Variants in GTF2E2 observed in about 807,000 individuals in gnomAD.
The protein encoded by GTF2E2 is general transcription factor IIE subunit 2, also known as transcription initiation factor IIE subunit beta.
Under a neutral mutation model 40.5 loss-of-function variants are expected in GTF2E2, and 21 were observed. That is an observed-to-expected ratio of 0.52 (90% CI 0.37 to 0.75). The LOEUF (loss-of-function observed/expected upper bound fraction) is 0.75, where lower values mean the gene tolerates loss of function less well. Ranked by LOEUF, GTF2E2 falls within the 30% of genes least tolerant of loss-of-function variation. The probability of loss-of-function intolerance (pLI) is 0.00; values close to 1 mark genes in which losing one functional copy is unlikely to be tolerated. For synonymous variants in GTF2E2, 117 were observed against 121.6 expected (o/e 0.96, Z 0.25); for missense variants, 298 against 338.4 (o/e 0.88, Z 0.94).
In GTF2E2 at chr8:30,612,162, C is replaced by T. The variant is rs188677248; in HGVS notation, c.549+137G>A. 1.6e-3 allele frequency: 884 copies of T among 546,448 alleles called. 4 individuals carry two copies. The highest frequency in any genetic ancestry group is 0.011 in the Middle Eastern group (22 of 1,996). The allele number at this position is 546,448 out of a possible 1,614,324, so 33.8% of individuals were successfully genotyped here. On this transcript the variant is annotated intron_variant, in intron 5 of 7. Coordinates refer to ENST00000355904, the MANE Select transcript of GTF2E2 (RefSeq NM_002095.6). ...AGGTGGCACAAGACAAATTTCAAAC[C>T]TTCAAGTGGCTCACTGTAACCCATG...
chr8:30,643,116 T>A (rs1444341861), intron 2 of GTF2E2, among the ~76,000 whole-genome samples: 1 of 152,160 alleles, frequency 6.6e-6, no homozygotes, highest in Non-Finnish European at 1.5e-5. Flanking sequence ...AACATAATTT[T>A]ATCAACCCCA....
chr8:30,600,545 G>T lies in GTF2E2; in HGVS notation c.643+6512C>A, dbSNP rs977122990. 2.6e-5 allele frequency among the ~76,000 whole-genome samples: 4 copies of T among 151,866 alleles called. 1 individual carries two copies. The East Asian group carries it at 7.7e-4, about 29-fold the overall frequency. On this transcript the variant is annotated intron_variant, in intron 6 of 7. Transcript: ENST00000355904. ...TAAGTGTCTTGCCTAGGCTAGTAAG[G>T]GACTGAGCTAAGATAAAACCTACAT...
chr8:30,578,924 T>C lies in GTF2E2; in HGVS notation c.873A>G (p.Lys291=). The change falls in exon 8 of 8, where the codon AAA becomes AAG. Residue 291 remains lysine, a synonymous_variant. Transcript: ENST00000355904. ...TGTTCCAGGGCAAAACTGTTCCCTA[T>C]TTGCTGGAAGTAATGTCAGAGTAAT... ...LKDYSDITSS[K] is the part of the protein sequence containing the mutation. 6.8e-7 allele frequency: 1 copy of C among 1,479,668 alleles called. No homozygotes were observed. Among genetic ancestry groups the C allele is most frequent in the Non-Finnish European group, 9.5e-7 (1 of 1,057,140 alleles). The allele number at this position is 1,479,668 out of a possible 1,614,324, so 91.7% of individuals were successfully genotyped here. A position where few individuals can be genotyped will look rare whatever the true frequency, so the allele number is the denominator to read the frequency against.
At chr8:30,628,739 G>A (rs568229862) in intron 3 of GTF2E2, among the ~76,000 whole-genome samples, 30 of 152,214 alleles carry the variant, frequency 2.0e-4, no homozygotes, top group African/African-American at 7.2e-4. Context: ...AGCCCATCCT[G>A]GCTAACACGG....
intron 2 of GTF2E2, chr8:30,644,665 A>T (rs547075794): frequency 1.3e-5 from 2 of 152,342 alleles, no homozygotes; most frequent in South Asian, 4.1e-4. Flanking sequence ...TGTAGATAAC[A>T]GCTCACTGAC....
intron 5 of GTF2E2, among the ~76,000 whole-genome samples, chr8:30,609,587 G>C (rs1025280379): frequency 2.0e-5 from 3 of 152,136 alleles, no homozygotes; most frequent in Non-Finnish European, 2.9e-5. Context: ...CCTATTCAAG[G>C]TAATCCCTAT....
At chr8:30,619,624 T>C (rs1801027081) in intron 3 of GTF2E2, among the ~76,000 whole-genome samples, 1 of 151,966 alleles carries the variant, frequency 6.6e-6, no homozygotes, top group African/African-American at 2.4e-5. Flanking sequence ...CCTGACCTCA[T>C]GATCTGGCCA....
chr8:30,641,168 C>T (rs1801809656), intron 2 of GTF2E2, among the ~76,000 whole-genome samples: 1 of 151,936 alleles, frequency 6.6e-6, no homozygotes, highest in South Asian at 2.1e-4. Context: ...TCAGATATGC[C>T]CAGAAGCTAA....
intron 6 of GTF2E2, 73 bp downstream of exon 6, chr8:30,606,984 T>A: frequency 1.7e-6 from 1 of 572,370 alleles, no homozygotes; most frequent in Non-Finnish European, 3.1e-6. Context: ...TATAATTGTA[T>A]TATAAATATT....
chr8:30,592,307 G>C (rs147592527), intron 6 of GTF2E2, among the ~76,000 whole-genome samples: 150 of 152,256 alleles, frequency 9.9e-4, no homozygotes, highest in Middle Eastern at 6.8e-3. Flanking sequence ...TGTGCCCAGG[G>C]AGGTCAAGGC....
chr8:30,582,070 G>A (rs956408246), intron 6 of GTF2E2, among the ~76,000 whole-genome samples: 9 of 152,120 alleles, frequency 5.9e-5, no homozygotes, highest in African/African-American at 2.2e-4. Flanking sequence ...GGAAAGCAGT[G>A]GCGCAATCTC....
intron 2 of GTF2E2, among the ~76,000 whole-genome samples, chr8:30,641,558 C>T (rs1008600552): frequency 5.3e-5 from 8 of 152,088 alleles, no homozygotes; most frequent in African/African-American, 1.4e-4. Flanking sequence ...CAGGGCCTCC[C>T]CACATTGCCC....
rs1362450590 is a variant in GTF2E2, at chr8:30,643,291, A to C, written c.167-8168T>G. Among the ~76,000 whole-genome samples, 3 of 152,200 alleles carry C rather than the reference A, an allele frequency of 2.0e-5. No homozygotes were observed. The East Asian group carries it at 5.8e-4, about 29-fold the overall frequency. ...TGAACGATGCCTTGAATTTGCTTTA[A>C]AACAACCAATGGGGTGGAAGCAAAC... On this transcript the variant is annotated intron_variant, in intron 2 of 7. Transcript: ENST00000355904.
chr8:30,637,346 T>C, intron 2 of GTF2E2: 1 of 454,802 alleles, frequency 2.2e-6, no homozygotes, highest in South Asian at 1.6e-5. Flanking sequence ...TCACAAACAG[T>C]TGTGCTTATG....
chr8:30,658,174 T>C lies in GTF2E2; in HGVS notation c.-206A>G. ...CGGCGGCGGCGGCAGCGGCGGTAGC[T>C]GAGGCGGCGACTGGACCCGGGACTC... On this transcript the variant is annotated 5_prime_UTR_variant, in exon 1 of 8. Coordinates refer to ENST00000355904, the MANE Select transcript of GTF2E2 (RefSeq NM_002095.6). The C allele has an allele frequency of 5.4e-6, 1 of 185,868 alleles. No individual in the cohort carries two copies. Among genetic ancestry groups the C allele is most frequent in the Admixed American group, 6.4e-5 (1 of 15,530 alleles). The allele number at this position is 185,868 out of a possible 1,614,324, so 11.5% of individuals were successfully genotyped here.
chr8:30,591,903 G>A (rs1362428114), intron 6 of GTF2E2, among the ~76,000 whole-genome samples: 2 of 152,086 alleles, frequency 1.3e-5, no homozygotes, highest in Non-Finnish European at 2.9e-5. Context: ...CATGAAAAGT[G>A]TATGGCCATA....
intron 2 of GTF2E2, among the ~76,000 whole-genome samples, chr8:30,646,784 A>G (rs904402469): frequency 2.0e-5 from 3 of 152,148 alleles, no homozygotes; most frequent in Non-Finnish European, 2.9e-5. Flanking sequence ...GCTCAAGACG[A>G]GCCTGGCCAA....
intron 1 of GTF2E2, among the ~76,000 whole-genome samples, chr8:30,655,833 A>T (rs570446959): frequency 1.3e-4 from 20 of 151,900 alleles, no homozygotes; most frequent in Non-Finnish European, 1.3e-4. Context: ...TTTGAGACAG[A>T]GTCTCGCTCT....
chr8:30,616,018 G>GA (rs1359556817), intron 3 of GTF2E2, among the ~76,000 whole-genome samples: 3 of 152,184 alleles, frequency 2.0e-5, no homozygotes, highest in East Asian at 3.9e-4. Context: ...ATCAAGCTAT[G>GA]AAAAAAACAT....
Sources: allele counts gnomAD v4.1 joint callset (sites outside exome capture counted in the v4.1 genomes callset), GRCh38; gene constraint gnomAD v4.1.1; transcripts MANE v1.5; gene names NCBI Gene and HGNC (gene_info 2026-07-23, HGNC 2026-07-21).